The following MAP7 variants were observed in gnomAD, a reference collection of about 807,000 sequenced individuals.
MAP7 encodes the protein ensconsin.
In MAP7, 52 loss-of-function variants were observed where a neutral mutation model predicts 94.8. The observed-to-expected ratio is 0.55, with a 90% CI of 0.44 to 0.69. MAP7 has a LOEUF of 0.69. Ranked by LOEUF, MAP7 falls within the 30% of genes least tolerant of loss-of-function variation. The pLI, the probability that MAP7 is intolerant of heterozygous loss-of-function variation, is 0.00. For missense variants in MAP7, 940 were observed against 964.6 expected, an observed-to-expected ratio of 0.97 and a Z score of 0.34; for synonymous variants, 350 against 357.0, an observed-to-expected ratio of 0.98 and a Z score of 0.22.
At chr6:136,526,792 G>T in intron 1 of MAP7, 1 of 546,840 alleles carries the variant, frequency 1.8e-6, no homozygotes, top group Non-Finnish European at 2.3e-6. Flanking sequence ...GCAAGCCCCT[G>T]GATGAATGAA....
chr6:136,356,819 C>CACAGGGTTACTAAT lies in MAP7; in HGVS notation c.1913-39_1913-26dup, dbSNP rs780706798. 2.4e-5 allele frequency: 37 copies of CACAGGGTTACTAAT among 1,563,108 alleles called. No individual in the cohort carries two copies. The African/African-American group carries it at 4.1e-4, about 17-fold the overall frequency. On this transcript the variant is annotated intron_variant, in intron 15 of 17. Transcript: ENST00000354570. ...TCTGGGCATAGTAAAGGAGACAGAACACAGGGTTACTAATATTCTTTTCTT... is the reference window on the plus strand; with the variant it reads ...TCTGGGCATAGTAAAGGAGACAGAACACAGGGTTACTAATACAGGGTTACTAATATTCTTTTCTT...
chr6:136,402,905 CAAAAAAAAAAAAAAAAAAAAAAAAAA>C (rs57114676), intron 3 of MAP7, among the ~76,000 whole-genome samples: 1 of 67,396 alleles, frequency 1.5e-5, no homozygotes, highest in Admixed American at 2.1e-4. Flanking sequence ...GACTCTGTCT[CAAAAAAAAAAAAAAAAAAAAAAAAAA>C]AAAAAAAAAA....
At chr6:136,432,080 T>C (rs3799419) in intron 1 of MAP7, among the ~76,000 whole-genome samples, 42,940 of 152,088 alleles carry the variant, frequency 0.28, 7,335 homozygotes, top group Non-Finnish European at 0.38. Flanking sequence ...ACTCAGGCCC[T>C]GACATCTTTA....
intron 1 of MAP7, among the ~76,000 whole-genome samples, chr6:136,537,466 T>C (rs948092543): frequency 6.6e-6 from 1 of 152,252 alleles, no homozygotes; most frequent in African/African-American, 2.4e-5. Flanking sequence ...TTTCTCTATC[T>C]GGGCCTTATA....
intron 2 of MAP7, chr6:136,420,219 G>A (rs1438281727): frequency 2.8e-6 from 3 of 1,057,454 alleles, no homozygotes; most frequent in Non-Finnish European, 4.4e-6. Flanking sequence ...GCATTTCAGA[G>A]CCAGGAACAT....
At chr6:136,383,579 C>A in intron 6 of MAP7, 92 bp downstream of exon 6, 1 of 668,088 alleles carries the variant, frequency 1.5e-6, no homozygotes, top group South Asian at 2.5e-5. Flanking sequence ...GTAGGGAAAG[C>A]AACTTCAGAT....
chr6:136,514,555 T>TGGGTGACA (rs1824201877), intron 1 of MAP7, among the ~76,000 whole-genome samples: 1 of 116,280 alleles, frequency 8.6e-6, no homozygotes, highest in Non-Finnish European at 1.6e-5. Flanking sequence ...CACTCCAGCC[T>TGGGTGACA]GGGTGACAGA....
chr6:136,471,679 C>T (rs3823169), intron 1 of MAP7, among the ~76,000 whole-genome samples: 2,434 of 152,198 alleles, frequency 0.016, 87 homozygotes, highest in East Asian at 0.14. Context: ...TGACTGTTTC[C>T]CAAAATCTGC....
intron 1 of MAP7, among the ~76,000 whole-genome samples, chr6:136,536,060 T>C (rs958651747): frequency 1.9e-4 from 29 of 152,268 alleles, no homozygotes; most frequent in African/African-American, 6.0e-4. Flanking sequence ...TCCATGTCCC[T>C]ACAAAGGACA....
At chr6:136,355,869 T>C (rs1387371721) in intron 16 of MAP7, among the ~76,000 whole-genome samples, 3 of 152,208 alleles carry the variant, frequency 2.0e-5, no homozygotes, top group Non-Finnish European at 4.4e-5. Context: ...TTTTTCGTTT[T>C]TGAAAATGTT....
At chr6:136,500,276 T>G (rs1023372469) in intron 1 of MAP7, among the ~76,000 whole-genome samples, 3 of 152,224 alleles carry the variant, frequency 2.0e-5, no homozygotes, top group Non-Finnish European at 2.9e-5. Flanking sequence ...CAATAAAAAT[T>G]TCAAATTCTA....
At chr6:136,505,182 G>A (rs868350732) in intron 1 of MAP7, among the ~76,000 whole-genome samples, 118 of 147,592 alleles carry the variant, frequency 8.0e-4, no homozygotes, top group Middle Eastern at 3.8e-3. Context: ...AGCTGAGTTC[G>A]CAAGCCATAA....
intron 1 of MAP7, among the ~76,000 whole-genome samples, chr6:136,510,266 C>G (rs2129029083): frequency 6.6e-6 from 1 of 152,190 alleles, no homozygotes; most frequent in South Asian, 2.1e-4. Context: ...TTGGGCTCAG[C>G]TGATGGTGAG....
At chr6:136,436,762 A>G (rs868414387) in intron 1 of MAP7, among the ~76,000 whole-genome samples, 24 of 152,340 alleles carry the variant, frequency 1.6e-4, no homozygotes, top group Middle Eastern at 3.4e-3. Flanking sequence ...GAAAACAGGA[A>G]AGATTCAAAG....
chr6:136,462,945 A>AC lies in MAP7; in HGVS notation c.68-41147_68-41146insG. On this transcript the variant is annotated intron_variant, in intron 1 of 17. Coordinates refer to ENST00000354570, the MANE Select transcript of MAP7 (RefSeq NM_003980.6). ...ACTCCAGCCTGGGCGACAGAGTGAG[A>AC]TCCTATCTCAAAAAAAAAAAAAAAA... Among the ~76,000 whole-genome samples, 3 of 129,430 alleles carry AC rather than the reference A, an allele frequency of 2.3e-5. 1 individual carries two copies. In the South Asian group the frequency reaches 8.8e-4, roughly 38 times the overall value. The allele number at this position is 129,430 out of a possible 152,430, so 84.9% of individuals were successfully genotyped here.
At chr6:136,430,996 G>A (rs1017976893) in intron 1 of MAP7, among the ~76,000 whole-genome samples, 8 of 152,104 alleles carry the variant, frequency 5.3e-5, no homozygotes, top group African/African-American at 1.7e-4. Context: ...ATCATCACCC[G>A]AAGTCCATAG....
At chr6:136,512,645 A>C (rs868320203) in intron 1 of MAP7, among the ~76,000 whole-genome samples, 2 of 152,210 alleles carry the variant, frequency 1.3e-5, no homozygotes, top group Admixed American at 1.3e-4. Flanking sequence ...TAAGTGTGCA[A>C]CATTATGTCC....
chr6:136,466,914 C>T, intron 1 of MAP7: 1 of 1,475,780 alleles, frequency 6.8e-7, no homozygotes, highest in Non-Finnish European at 9.0e-7. Context: ...TATTATCTCT[C>T]ACACAGCTTG....
chr6:136,423,402 TTTTTAGCTC>T (rs1410527583), intron 1 of MAP7, among the ~76,000 whole-genome samples: 1 of 152,166 alleles, frequency 6.6e-6, no homozygotes, highest in East Asian at 1.9e-4. Context: ...GTAGAAAGTA[TTTTTAGCTC>T]TCTTCAGGAA....
Sources: allele counts gnomAD v4.1 joint callset (sites outside exome capture counted in the v4.1 genomes callset), GRCh38; gene constraint gnomAD v4.1.1; transcripts MANE v1.5; gene names NCBI Gene and HGNC (gene_info 2026-07-23, HGNC 2026-07-21).